Variants in TXNDC15 observed in about 807,000 individuals in gnomAD.
The protein encoded by TXNDC15 is thioredoxin domain-containing protein 15.
Under a neutral mutation model 35.0 loss-of-function variants are expected in TXNDC15, and 24 were observed. The observed-to-expected ratio is 0.68, with a 90% CI of 0.50 to 0.96. The LOEUF (loss-of-function observed/expected upper bound fraction) is 0.96. Among genes scored for constraint, TXNDC15 ranks in the 40% least tolerant of loss-of-function variants. The pLI, the probability that TXNDC15 is intolerant of heterozygous loss-of-function variation, is 0.00. For missense variants in TXNDC15, 385 were observed against 453.3 expected (o/e 0.85, Z 1.37); for synonymous variants, 169 against 174.0 (o/e 0.97, Z 0.23).
intron 4 of TXNDC15, among the ~76,000 whole-genome samples, chr5:134,898,466 C>T (rs1750537746): frequency 6.6e-6 from 1 of 152,150 alleles, no homozygotes; most frequent in African/African-American, 2.4e-5. Context: ...CCAAAGTATG[C>T]TCACTGGAAA....
At chr5:134,882,923 C>T (rs1247225300) in intron 1 of TXNDC15, among the ~76,000 whole-genome samples, 1 of 152,212 alleles carries the variant, frequency 6.6e-6, no homozygotes, top group Non-Finnish European at 1.5e-5. Flanking sequence ...TCCGTATTGT[C>T]TACTTTACCA....
chr5:134,898,799 G>A (rs1003248731), intron 4 of TXNDC15, among the ~76,000 whole-genome samples: 4 of 152,208 alleles, frequency 2.6e-5, no homozygotes, highest in African/African-American at 9.6e-5. Context: ...TTGGGGCTGG[G>A]TGCGGTGGCT....
At chr5:134,889,971 TCTTG>T (rs904085931) in intron 2 of TXNDC15, among the ~76,000 whole-genome samples, 2 of 152,188 alleles carry the variant, frequency 1.3e-5, no homozygotes, top group Non-Finnish European at 2.9e-5. Flanking sequence ...TGGTAGAGGG[TCTTG>T]CCTTGATGTT....
In TXNDC15 at chr5:134,900,439, A is replaced by T. The variant is rs1291611822; in HGVS notation, c.*754A>T. The T allele has an allele frequency of 6.6e-6, 1 of 152,250 alleles. No homozygotes were observed. The highest frequency in any genetic ancestry group is 1.5e-5 in the Non-Finnish European group (1 of 68,068). The allele number at this position is 152,250 out of a possible 1,614,324, so 9.4% of individuals were successfully genotyped here. On this transcript the variant is annotated 3_prime_UTR_variant, in exon 5 of 5. Coordinates refer to ENST00000358387, the MANE Select transcript of TXNDC15 (RefSeq NM_024715.4). Reference sequence around the variant, plus strand: ...TGTAATCCCAGCACTTTGGGAGGCCAAGGCGGGAGGATCACTTGAGGTTAG... The same window carrying T: ...TGTAATCCCAGCACTTTGGGAGGCCTAGGCGGGAGGATCACTTGAGGTTAG...
chr5:134,885,036 C>T (rs1385726473), intron 1 of TXNDC15, among the ~76,000 whole-genome samples: 4 of 151,952 alleles, frequency 2.6e-5, no homozygotes, highest in Non-Finnish European at 4.4e-5. Flanking sequence ...GATTCTCCTG[C>T]CTCAGCCTAC....
chr5:134,886,970 G>C (rs1246370486), intron 1 of TXNDC15, among the ~76,000 whole-genome samples: 1 of 152,194 alleles, frequency 6.6e-6, no homozygotes, highest in South Asian at 2.1e-4. Context: ...AAGATGCTTT[G>C]TTCTAGTAGA....
chr5:134,889,253 C>T (rs1341682232), intron 2 of TXNDC15, among the ~76,000 whole-genome samples: 3 of 152,128 alleles, frequency 2.0e-5, no homozygotes, highest in Non-Finnish European at 4.4e-5. Context: ...GACACAGAGT[C>T]TCACTCTGTC....
chr5:134,886,373 G>T (rs542397240), intron 1 of TXNDC15, among the ~76,000 whole-genome samples: 2 of 152,358 alleles, frequency 1.3e-5, no homozygotes, highest in Non-Finnish European at 2.9e-5. Context: ...GTGAGCTTTC[G>T]TGAGGGCTGC....
chr5:134,893,797 G>A, intron 3 of TXNDC15, 142 bp downstream of exon 3: 1 of 1,126,800 alleles, frequency 8.9e-7, no homozygotes, highest in Non-Finnish European at 1.3e-6. Context: ...AGAGTGAATA[G>A]TGAGGATTAT....
chr5:134,884,352 G>A (rs1232416282), intron 1 of TXNDC15, among the ~76,000 whole-genome samples: 4 of 149,692 alleles, frequency 2.7e-5, no homozygotes, highest in South Asian at 2.2e-4. Flanking sequence ...AAGTTCAAGC[G>A]ATTCTCCTGC....
chr5:134,874,965 C>G, intron 1 of TXNDC15: 1 of 365,136 alleles, frequency 2.7e-6, no homozygotes, highest in Non-Finnish European at 5.4e-6. Context: ...CAAACCCTGT[C>G]AGATCGGTTC....
rs149625993 is a variant in TXNDC15 at position 134,887,967 on chromosome 5, G to A, written c.376G>A (p.Val126Ile). Residue 126 changes from valine to isoleucine, a missense_variant, in exon 2 of 5, where the codon GTC becomes ATC. Transcript: ENST00000358387. Reference sequence around the variant, plus strand: ...AGGAGCGGAGGACTCAAGGTGCAACGTCCGAGAGAGCCTTTTCTCTCTGGA... The same window carrying A: ...AGGAGCGGAGGACTCAAGGTGCAACATCCGAGAGAGCCTTTTCTCTCTGGA... ...AGGAEDSRCN[V>I]RESLFSLDGA... is the part of the protein sequence containing the mutation. 577 of 1,614,206 alleles carry A rather than the reference G, an allele frequency of 3.6e-4. 2 individuals are homozygous for A. Among genetic ancestry groups the A allele is most frequent in the East Asian group, 8.5e-4 (38 of 44,884 alleles).
chr5:134,896,830 A>C (rs887627695), intron 4 of TXNDC15, among the ~76,000 whole-genome samples: 1 of 151,968 alleles, frequency 6.6e-6, no homozygotes, highest in Admixed American at 6.6e-5. Context: ...TTTTTAATAG[A>C]GACGGGGTTT....
rs540704668 is a variant in TXNDC15, at chr5:134,888,547, G to A, written c.591+365G>A. ...CACCTAGGCTGGAGTGCAATGGCATGATATCGGCTCACTGCAACCTCCGCC... is the reference window on the plus strand; with the variant it reads ...CACCTAGGCTGGAGTGCAATGGCATAATATCGGCTCACTGCAACCTCCGCC... On this transcript the variant is annotated intron_variant, in intron 2 of 4. Coordinates refer to ENST00000358387, the MANE Select transcript of TXNDC15 (RefSeq NM_024715.4). Among the ~76,000 whole-genome samples the A allele has an allele frequency of 3.3e-5, 5 of 152,298 alleles. No homozygotes were observed. The East Asian group carries it at 9.7e-4, about 29-fold the overall frequency.
intron 1 of TXNDC15, among the ~76,000 whole-genome samples, chr5:134,884,537 C>T (rs896832758): frequency 1.3e-5 from 2 of 151,488 alleles, no homozygotes; most frequent in Admixed American, 6.6e-5. Flanking sequence ...TGTGAGCCAC[C>T]GAGCCCGGCC....
intron 1 of TXNDC15, among the ~76,000 whole-genome samples, chr5:134,879,703 G>A (rs1750103559): frequency 1.3e-5 from 2 of 151,836 alleles, no homozygotes; most frequent in African/African-American, 4.8e-5. Context: ...TCACAGAAGT[G>A]CTTGACCTTC....
At chr5:134,897,340 TG>T (rs1410603287) in intron 4 of TXNDC15, among the ~76,000 whole-genome samples, 1 of 152,144 alleles carries the variant, frequency 6.6e-6, no homozygotes, top group Non-Finnish European at 1.5e-5. Context: ...CTCTGCCTCC[TG>T]GGTTAAAACG....
Position 134,888,136 on chromosome 5 carries a change from T to C in TXNDC15, c.545T>C (p.Ile182Thr). ...SPKVNCEERN[I>T]TGLENFTLKI... ...AAGGTGAACTGTGAGGAGAGAAACA[T>C]TACAGGATTAGAAAATTTCACTCTG... Residue 182 changes from isoleucine (I) to threonine (T), a missense_variant, in exon 2 of 5, where the codon ATT becomes ACT. Ile to Thr is a moderately conservative substitution (Grantham distance 89). Transcript: ENST00000358387. 4 of 1,609,464 alleles carry C rather than the reference T, an allele frequency of 2.5e-6. No individual in the cohort carries two copies. Among genetic ancestry groups the C allele is most frequent in the African/African-American group, 1.3e-5 (1 of 74,892 alleles).
At chr5:134,889,318 G>A (rs1010017166) in intron 2 of TXNDC15, among the ~76,000 whole-genome samples, 2 of 152,110 alleles carry the variant, frequency 1.3e-5, no homozygotes, top group African/African-American at 4.8e-5. Flanking sequence ...TCTGCCTCCC[G>A]GGTTCAAGTG....
Sources: gnomAD v4.1 joint callset for allele counts (sites outside exome capture counted in the v4.1 genomes callset) on GRCh38, gnomAD v4.1.1 for gene constraint, MANE v1.5 for transcripts, NCBI Gene and HGNC (gene_info 2026-07-23, HGNC 2026-07-21) for gene names.